Variants in ARHGAP29 observed in about 807,000 individuals in gnomAD.
The protein encoded by ARHGAP29 is rho GTPase-activating protein 29.
A neutral mutation model predicts 122.6 loss-of-function variants in ARHGAP29; 43 were observed. That is an observed-to-expected ratio of 0.35 (90% confidence interval 0.27 to 0.45). The LOEUF (loss-of-function observed/expected upper bound fraction) is 0.45, where lower values mean the gene tolerates loss of function less well. Among genes scored for constraint, ARHGAP29 ranks in the 20% least tolerant of loss-of-function variants. The probability of loss-of-function intolerance (pLI) is 1.00; values close to 1 mark genes in which losing one functional copy is unlikely to be tolerated. For missense variants in ARHGAP29, 1,303 were observed against 1,477.2 expected, an observed-to-expected ratio of 0.88 and a Z score of 1.93; for synonymous variants, 506 against 497.1, an observed-to-expected ratio of 1.02 and a Z score of -0.24.
Position 94,203,918 on chromosome 1 carries a change from C to G in ARHGAP29, c.762+12G>C. ...CTTATTATAGAACCCCCGAAGTTCA[C>G]AGAACACTTACCTGAATTCCAATGT... On this transcript the variant is annotated intron_variant, in intron 8 of 22. Coordinates refer to ENST00000260526, the MANE Select transcript of ARHGAP29 (RefSeq NM_004815.4). The G allele has an allele frequency of 6.2e-7, 1 of 1,612,870 alleles. No individual in the cohort carries two copies. Among genetic ancestry groups the G allele is most frequent in the South Asian group, 1.1e-5 (1 of 90,928 alleles).
At chr1:94,289,621 T>A in the ARHGAP29 span, among the ~76,000 whole-genome samples, 1 of 152,234 alleles carries the variant, frequency 6.6e-6, no homozygotes, top group African/African-American at 2.4e-5. Context: ...TGATATTGGC[T>A]GTGGGTCTGT....
Position 94,210,149 on chromosome 1 carries a change from T to C in ARHGAP29, c.341-799A>G, listed in dbSNP as rs182972877. 2.0e-3 allele frequency among the ~76,000 whole-genome samples: 309 copies of C among 152,322 alleles called. 1 individual carries two copies. Among genetic ancestry groups the C allele is most frequent in the African/African-American group, 6.8e-3 (284 of 41,572 alleles). ...CTGAAAGTGGAATTGGTAATTTTTT[T>C]AAAGTAACTGTTGCTACTTGGGCTG... On this transcript the variant is annotated intron_variant, in intron 3 of 22. Coordinates refer to ENST00000260526, the MANE Select transcript of ARHGAP29 (RefSeq NM_004815.4).
intron 1 of ARHGAP29, among the ~76,000 whole-genome samples, chr1:94,266,721 A>G (rs1654787930): frequency 6.6e-6 from 1 of 152,190 alleles, no homozygotes; most frequent in Non-Finnish European, 1.5e-5. Flanking sequence ...ATGGTAACTT[A>G]TCTCTTAGTA....
Position 94,210,629 on chromosome 1 carries a change from G to A in ARHGAP29, c.341-1279C>T, listed in dbSNP as rs370176814. Among the ~76,000 whole-genome samples the A allele has an allele frequency of 3.4e-4, 52 of 152,262 alleles. No homozygotes were observed. In the South Asian group the frequency reaches 0.011, roughly 31 times the overall value. On this transcript the variant is annotated intron_variant, in intron 3 of 22. Coordinates refer to ENST00000260526, the MANE Select transcript of ARHGAP29 (RefSeq NM_004815.4). ...AACAAAAAGAAAAAGTTACCATTGCGAATATGGTTCTTAAATAATGGGCAT... is the reference window on the plus strand; with the variant it reads ...AACAAAAAGAAAAAGTTACCATTGCAAATATGGTTCTTAAATAATGGGCAT...
chr1:94,278,192 A>T (rs1328080157), upstream of ARHGAP29, among the ~76,000 whole-genome samples: 2 of 152,110 alleles, frequency 1.3e-5, no homozygotes, highest in Non-Finnish European at 2.9e-5. Context: ...GGTGGCACAC[A>T]GTTGTAGTCC....
At position 94,205,087 on chromosome 1, in the gene ARHGAP29, G is replaced by A. The variant is rs1486020633; in HGVS notation, c.671C>T (p.Ser224Leu). The A allele has an allele frequency of 1.3e-6, 2 of 1,587,148 alleles. No individual in the cohort carries two copies. Among genetic ancestry groups the A allele is most frequent in the Non-Finnish European group, 1.7e-6 (2 of 1,170,260 alleles). Residue 224 changes from serine to leucine, a missense_variant, in exon 7 of 23, where the codon TCA becomes TTA. Coordinates refer to ENST00000260526, the MANE Select transcript of ARHGAP29 (RefSeq NM_004815.4). ...CAAGTTAAGCTTTTTTTCAACCCAT[G>A]AAACTATGTTCTTAGTATATTTTGA... ...TWSKYTKNIV[S>L]WVEKKLNLEL...
At chr1:94,229,155 G>A (rs1442938396) in intron 2 of ARHGAP29, among the ~76,000 whole-genome samples, 4 of 151,704 alleles carry the variant, frequency 2.6e-5, no homozygotes, top group African/African-American at 9.7e-5. Context: ...TTAACGTTGT[G>A]GTGATAACTC....
chr1:94,223,983 G>C (rs1023394319), intron 2 of ARHGAP29, among the ~76,000 whole-genome samples: 2 of 151,866 alleles, frequency 1.3e-5, no homozygotes, highest in African/African-American at 4.8e-5. Context: ...GATTTTTTTT[G>C]TATTTAGTAG....
intron 4 of ARHGAP29, 21 bp from the exon 5 acceptor site, chr1:94,208,925 A>G: frequency 6.3e-7 from 1 of 1,595,712 alleles, no homozygotes; most frequent in South Asian, 1.1e-5. Flanking sequence ...AGGTTAAAAA[A>G]AGAAAGACAA....
intron 12 of ARHGAP29, chr1:94,192,277 C>G (rs1338503690): frequency 6.6e-6 from 1 of 152,070 alleles, no homozygotes; most frequent in Non-Finnish European, 1.5e-5. Context: ...TGGAAATAAA[C>G]TACAATTCAA....
At chr1:94,269,427 A>C (rs753916650) in intron 1 of ARHGAP29, among the ~76,000 whole-genome samples, 1 of 152,202 alleles carries the variant, frequency 6.6e-6, no homozygotes, top group Non-Finnish European at 1.5e-5. Flanking sequence ...AGGAGATACT[A>C]ATAGTCTGTA....
At chr1:94,299,925 C>A in the ARHGAP29 span, among the ~76,000 whole-genome samples, 4 of 152,036 alleles carry the variant, frequency 2.6e-5, no homozygotes, top group Non-Finnish European at 5.9e-5. Context: ...GTAGAGAGGA[C>A]CTTTGCCTCT....
chr1:94,262,451 A>G lies in ARHGAP29; in HGVS notation c.-33+12561T>C, dbSNP rs147129833. Among the ~76,000 whole-genome samples the G allele has an allele frequency of 1.3e-3, 197 of 152,288 alleles. 1 individual carries two copies. The highest frequency in any genetic ancestry group is 8.1e-3 in the East Asian group (42 of 5,188). On this transcript the variant is annotated intron_variant and NMD_transcript_variant, in intron 1 of 25. Coordinates refer to the ARHGAP29 transcript ENST00000552844. ...TTCTATACAGCAAAATAAACTATCAATAGAGTAAACAGAACCTACAGAATG... is the reference window on the plus strand; with the variant it reads ...TTCTATACAGCAAAATAAACTATCAGTAGAGTAAACAGAACCTACAGAATG...
chr1:94,292,759 G>A, the ARHGAP29 span, among the ~76,000 whole-genome samples: 2 of 152,196 alleles, frequency 1.3e-5, no homozygotes, highest in African/African-American at 4.8e-5. Flanking sequence ...GCTCCAGACC[G>A]TGTTTGCCTG....
intron 2 of ARHGAP29, 65 bp from the exon 3 acceptor site, chr1:94,220,457 G>T: frequency 8.7e-6 from 12 of 1,374,824 alleles, no homozygotes; most frequent in Non-Finnish European, 9.8e-6. Flanking sequence ...ACTACAAAAC[G>T]TCATCTGAAG....
At position 94,171,045 on chromosome 1, in the gene ARHGAP29, A is replaced by G. The variant is rs930687966; in HGVS notation, c.*2824T>C. 6.6e-6 allele frequency among the ~76,000 whole-genome samples: 1 copy of G among 152,226 alleles called. No homozygotes were observed. The highest frequency in any genetic ancestry group is 2.4e-5 in the African/African-American group (1 of 41,464). ...CACATCACCATAATTTCCTGCCTGTAGGAAAGAAAAACCCACAGAATTCCA... is the reference window on the plus strand; with the variant it reads ...CACATCACCATAATTTCCTGCCTGTGGGAAAGAAAAACCCACAGAATTCCA... On this transcript the variant is annotated 3_prime_UTR_variant, in exon 23 of 23. Coordinates refer to ENST00000260526, the MANE Select transcript of ARHGAP29 (RefSeq NM_004815.4).
intron 3 of ARHGAP29, among the ~76,000 whole-genome samples, chr1:94,215,762 C>A (rs1253682941): frequency 6.6e-6 from 1 of 151,710 alleles, no homozygotes; most frequent in African/African-American, 2.4e-5. Flanking sequence ...AATGTTAATG[C>A]AAAAATAAAA....
chr1:94,284,088 A>G, the ARHGAP29 span, among the ~76,000 whole-genome samples: 34 of 1,104 alleles, frequency 0.031, no homozygotes, highest in East Asian at 0.5. Context: ...AGAAATGGGA[A>G]AAAAAAAAAA....
chr1:94,226,199 T>C (rs1475119970), intron 2 of ARHGAP29, among the ~76,000 whole-genome samples: 1 of 151,992 alleles, frequency 6.6e-6, no homozygotes, highest in East Asian at 1.9e-4. Context: ...TCAGAACTTA[T>C]CACTAGGAAA....
Sources: gnomAD v4.1 joint callset for allele counts (sites outside exome capture counted in the v4.1 genomes callset) on GRCh38, gnomAD v4.1.1 for gene constraint, MANE v1.5 for transcripts, NCBI Gene and HGNC (gene_info 2026-07-23, HGNC 2026-07-21) for gene names.